PHACTR3: variants seen among roughly 807,000 people sequenced by gnomAD.
PHACTR3 encodes the protein protein phosphatase 1, regulatory subunit 123.
PHACTR3 carries 16 observed loss-of-function variants against 66.8 expected under a neutral mutation model. The ratio of observed to expected loss-of-function variants is 0.24; its 90% CI spans 0.16 to 0.36. PHACTR3 has a LOEUF of 0.36. PHACTR3 is among the 10% of genes least tolerant of loss of function. The pLI is 1.00. For missense variants in PHACTR3, 647 were observed against 719.9 expected (o/e 0.90, Z 1.16); for synonymous variants, 323 against 292.1 (o/e 1.11, Z -1.08).
rs530937610 is a variant in PHACTR3 at position 59,747,777 on chromosome 20, C to A, written c.300C>A (p.Ala100=). 1.9e-6 allele frequency: 3 copies of A among 1,613,804 alleles called. No individual in the cohort carries two copies. Among genetic ancestry groups the A allele is most frequent in the Non-Finnish European group, 8.5e-7 (1 of 1,179,946 alleles). The change falls in exon 3 of 13, where the codon GCC becomes GCA. Residue 100 remains alanine, a synonymous_variant. Coordinates refer to ENST00000371015, the MANE Select transcript of PHACTR3 (RefSeq NM_080672.5). ...QTTSALEKKM[A]GRQGREELIK... is the part of the protein sequence containing the mutation. ...GGGCAGCGCTGGAGAAGAAGATGGC[C>A]GGCAGGCAAGGCCGAGAGGAGCTCA...
At chr20:59,750,003 G>A (rs1272533365) in intron 3 of PHACTR3, among the ~76,000 whole-genome samples, 1 of 152,108 alleles carries the variant, frequency 6.6e-6, no homozygotes, top group African/African-American at 2.4e-5. Flanking sequence ...GAGGGAAAAT[G>A]CACTCCTAAA....
In PHACTR3 at chr20:59,604,941, C is replaced by T. The variant is rs890627279; in HGVS notation, c.-74C>T. 307 of 1,231,790 alleles carry T rather than the reference C, an allele frequency of 2.5e-4. No homozygotes were observed. Among genetic ancestry groups the T allele is most frequent in the Non-Finnish European group, 2.9e-4 (283 of 986,004 alleles). 76.3% of individuals were successfully genotyped at this position (1,231,790 alleles called of 1,614,324 possible). A position where few individuals can be genotyped will look rare whatever the true frequency, so the allele number is the denominator to read the frequency against. On this transcript the variant is annotated 5_prime_UTR_variant, in exon 1 of 13. Coordinates refer to ENST00000371015, the MANE Select transcript of PHACTR3 (RefSeq NM_080672.5). Reference sequence around the variant, plus strand: ...AAGACGCCCCCTCCAGCCCCCTCGCCGGTGACCTTGGCCGCCTCGGATGCT... The same window carrying T: ...AAGACGCCCCCTCCAGCCCCCTCGCTGGTGACCTTGGCCGCCTCGGATGCT...
At chr20:59,797,280 A>G (rs989310810) in intron 7 of PHACTR3, among the ~76,000 whole-genome samples, 2 of 151,668 alleles carry the variant, frequency 1.3e-5, no homozygotes, top group Non-Finnish European at 2.9e-5. Context: ...TATCTTGCTA[A>G]GGTTTCTTAA....
At chr20:59,672,614 T>C (rs867788155) in intron 1 of PHACTR3, among the ~76,000 whole-genome samples, 2 of 152,174 alleles carry the variant, frequency 1.3e-5, no homozygotes, top group Non-Finnish European at 2.9e-5. Flanking sequence ...TTAAATGGTT[T>C]AATGTCTGCA....
chr20:59,816,776 T>A (rs1013811382), intron 8 of PHACTR3, among the ~76,000 whole-genome samples: 1 of 152,202 alleles, frequency 6.6e-6, no homozygotes, highest in African/African-American at 2.4e-5. Context: ...GGTAGTTAGA[T>A]GGATGGCCAT....
chr20:59,709,672 T>A (rs1039103661), intron 1 of PHACTR3, among the ~76,000 whole-genome samples: 4 of 152,126 alleles, frequency 2.6e-5, no homozygotes, highest in African/African-American at 4.8e-5. Context: ...TACTTGGGAG[T>A]AGGAATTGTC....
At chr20:59,601,751 C>T (rs567130392), upstream of PHACTR3, among the ~76,000 whole-genome samples, 2 of 152,314 alleles carry the variant, frequency 1.3e-5, no homozygotes, top group African/African-American at 4.8e-5. Flanking sequence ...TGGAACATCT[C>T]AAAGCCAAAG....
chr20:59,766,415 G>A (rs745558617), intron 4 of PHACTR3, among the ~76,000 whole-genome samples: 1 of 152,208 alleles, frequency 6.6e-6, no homozygotes, highest in Non-Finnish European at 1.5e-5. Context: ...CTTAGGGACT[G>A]TTGGTCCGAT....
chr20:59,686,984 T>C (rs989696681), intron 1 of PHACTR3, among the ~76,000 whole-genome samples: 3 of 151,154 alleles, frequency 2.0e-5, no homozygotes, highest in African/African-American at 7.3e-5. Context: ...ATGATGGTGA[T>C]GATTGTGATG....
chr20:59,790,162 G>C (rs543454092), intron 7 of PHACTR3, among the ~76,000 whole-genome samples: 12 of 152,092 alleles, frequency 7.9e-5, no homozygotes, highest in Middle Eastern at 3.4e-3. Context: ...ACATGTGCAG[G>C]TTTGTTATAT....
chr20:59,701,094 T>C (rs576512748), intron 1 of PHACTR3, among the ~76,000 whole-genome samples: 6 of 152,318 alleles, frequency 3.9e-5, no homozygotes, highest in African/African-American at 1.4e-4. Context: ...GTCCAGCTCT[T>C]TTTCCTTTTT....
Position 59,836,530 on chromosome 20 carries a change from G to A in PHACTR3, c.1354G>A (p.Glu452Lys). ...ACGGCTGAGCCAAAGACCTGCCGTG[G>A]AAGAGCTGGAGAGAAGAAATATCTT... ...SKRLSQRPAV[E>K]ELERRNILKQ... The change falls in exon 9 of 13, where the codon GAA becomes AAA. Residue 452 changes from glutamate to lysine, a missense_variant. Physicochemically the swap from Glu to Lys is moderately conservative, Grantham distance 56. Transcript: ENST00000371015. 6.2e-7 allele frequency: 1 copy of A among 1,610,810 alleles called. No homozygotes were observed. The highest frequency in any genetic ancestry group is 8.5e-7 in the Non-Finnish European group (1 of 1,178,872).
chr20:59,771,321 C>T (rs2040353038), intron 5 of PHACTR3, among the ~76,000 whole-genome samples: 1 of 152,126 alleles, frequency 6.6e-6, no homozygotes, highest in African/African-American at 2.4e-5. Context: ...GAGTGGGGCA[C>T]TGTCCTGAGC....
intron 1 of PHACTR3, among the ~76,000 whole-genome samples, chr20:59,636,132 A>AT (rs1175349073): frequency 6.6e-6 from 1 of 152,064 alleles, no homozygotes; most frequent in Admixed American, 6.6e-5. Flanking sequence ...TTATGTATTT[A>AT]TTTTTTTAAA....
chr20:59,647,200 T>C (rs1037953107), intron 1 of PHACTR3, among the ~76,000 whole-genome samples: 1 of 152,194 alleles, frequency 6.6e-6, no homozygotes, highest in African/African-American at 2.4e-5. Flanking sequence ...AAGGCATGTC[T>C]TACATGGCAG....
intron 1 of PHACTR3, among the ~76,000 whole-genome samples, chr20:59,580,079 A>G (rs1365485259): frequency 6.6e-6 from 1 of 152,106 alleles, no homozygotes; most frequent in Non-Finnish European, 1.5e-5. Context: ...GGAGGCTCCA[A>G]TCTGAGATTC....
intron 1 of PHACTR3, among the ~76,000 whole-genome samples, chr20:59,644,335 A>G (rs1271841150): frequency 6.6e-6 from 1 of 152,222 alleles, no homozygotes; most frequent in Non-Finnish European, 1.5e-5. Flanking sequence ...ATTAACTTCT[A>G]TTTGTTGTGA....
chr20:59,597,504 C>G (rs1401904498), intron 1 of PHACTR3, among the ~76,000 whole-genome samples: 1 of 152,160 alleles, frequency 6.6e-6, no homozygotes, highest in Non-Finnish European at 1.5e-5. Flanking sequence ...AGGTTTGTGA[C>G]CTGGGGCAAG....
chr20:59,793,601 CAGT>C (rs978687746), intron 7 of PHACTR3, among the ~76,000 whole-genome samples: 2 of 152,130 alleles, frequency 1.3e-5, no homozygotes, highest in South Asian at 2.1e-4. Flanking sequence ...TGTACAGAAA[CAGT>C]AGGGATTTTT....
Sources: gnomAD v4.1 joint callset for allele counts (sites outside exome capture counted in the v4.1 genomes callset) on GRCh38, gnomAD v4.1.1 for gene constraint, MANE v1.5 for transcripts, NCBI Gene and HGNC (gene_info 2026-07-23, HGNC 2026-07-21) for gene names.